The following THSD7B variants were observed in gnomAD, a reference collection of about 807,000 sequenced individuals.
THSD7B encodes the protein thrombospondin type 1 domain containing 7B, also known as thrombospondin type-1 domain-containing protein 7B.
THSD7B carries 138 observed loss-of-function variants against 213.6 expected under a neutral mutation model. The ratio of observed to expected loss-of-function variants is 0.65; its 90% CI spans 0.56 to 0.74. The LOEUF is 0.74. Ranked by LOEUF, THSD7B falls within the 30% of genes least tolerant of loss-of-function variation. The pLI, the probability that THSD7B is intolerant of heterozygous loss-of-function variation, is 0.00. For synonymous variants in THSD7B, 742 were observed against 687.0 expected (o/e 1.08, Z -1.25); for missense variants, 1,931 against 1,991.5 (o/e 0.97, Z 0.58).
At chr2:137,578,076 T>G (rs997154867) in intron 17 of THSD7B, among the ~76,000 whole-genome samples, 1 of 152,198 alleles carries the variant, frequency 6.6e-6, no homozygotes, top group African/African-American at 2.4e-5. Context: ...CATGGGACTC[T>G]GGTGATTGAG....
At chr2:137,195,095 G>A (rs1007234990) in intron 7 of THSD7B, among the ~76,000 whole-genome samples, 14 of 151,956 alleles carry the variant, frequency 9.2e-5, no homozygotes, top group African/African-American at 3.4e-4. Context: ...TGAATAATAA[G>A]GGACCCTGTT....
intron 7 of THSD7B, among the ~76,000 whole-genome samples, chr2:137,228,010 T>C (rs1681549049): frequency 6.6e-6 from 1 of 152,184 alleles, no homozygotes. Flanking sequence ...ATTTGATTCC[T>C]ACAAATGAAA....
chr2:137,097,769 GAC>G (rs3050089), intron 4 of THSD7B, among the ~76,000 whole-genome samples: 2,306 of 141,392 alleles, frequency 0.016, 29 homozygotes, highest in Middle Eastern at 0.082. Context: ...CGCTAAGTTT[GAC>G]ACACACACAC....
chr2:137,486,607 A>G (rs2105114447), intron 15 of THSD7B, among the ~76,000 whole-genome samples: 1 of 149,698 alleles, frequency 6.7e-6, no homozygotes, highest in South Asian at 2.1e-4. Context: ...TAACAAGGAT[A>G]CCCAGGAATT....
chr2:137,243,658 G>C (rs571269608), intron 10 of THSD7B, among the ~76,000 whole-genome samples: 2 of 152,304 alleles, frequency 1.3e-5, no homozygotes, highest in South Asian at 4.1e-4. Flanking sequence ...GCATCACTTC[G>C]TGAGAGTGAC....
chr2:137,460,074 G>T (rs1687854909), intron 15 of THSD7B, among the ~76,000 whole-genome samples: 1 of 152,102 alleles, frequency 6.6e-6, no homozygotes, highest in Non-Finnish European at 1.5e-5. Context: ...CTCCTTGTCT[G>T]CATGATACCA....
At chr2:137,441,339 G>C (rs1687405610) in intron 14 of THSD7B, among the ~76,000 whole-genome samples, 1 of 152,002 alleles carries the variant, frequency 6.6e-6, no homozygotes, top group Admixed American at 6.6e-5. Flanking sequence ...TGGTCTCACA[G>C]CACCCTAGCC....
chr2:137,557,610 C>T (rs1385218079), intron 15 of THSD7B, among the ~76,000 whole-genome samples: 2 of 151,940 alleles, frequency 1.3e-5, no homozygotes, highest in Non-Finnish European at 2.9e-5. Context: ...CAAGAGAAAG[C>T]AGGAAAGATC....
chr2:137,386,833 T>TC (rs1405325322), intron 12 of THSD7B, among the ~76,000 whole-genome samples: 1 of 152,208 alleles, frequency 6.6e-6, no homozygotes, highest in Non-Finnish European at 1.5e-5. Context: ...ATTTGAGACA[T>TC]CATTTAAGCT....
intron 17 of THSD7B, among the ~76,000 whole-genome samples, chr2:137,590,857 C>G (rs1573730191): frequency 8.8e-6 from 1 of 113,960 alleles, no homozygotes; most frequent in Non-Finnish European, 1.7e-5. Context: ...AGTAGTTTAT[C>G]TGTGGAACTG....
intron 1 of THSD7B, among the ~76,000 whole-genome samples, chr2:136,865,316 G>A (rs1318419428): frequency 1.3e-5 from 2 of 152,186 alleles, no homozygotes; most frequent in African/African-American, 4.8e-5. Context: ...TGGGAAAGAT[G>A]AGACATACTT....
intron 2 of THSD7B, among the ~76,000 whole-genome samples, chr2:136,909,588 T>G (rs1573704616): frequency 6.6e-6 from 1 of 152,174 alleles, no homozygotes; most frequent in South Asian, 2.1e-4. Flanking sequence ...CACAAATGAC[T>G]TTGGAAAATC....
At chr2:137,150,516 TCTC>T (rs1679795623) in intron 5 of THSD7B, among the ~76,000 whole-genome samples, 1 of 152,112 alleles carries the variant, frequency 6.6e-6, no homozygotes, top group African/African-American at 2.4e-5. Context: ...ACTCTGCACT[TCTC>T]CTTGTTGCTG....
chr2:136,910,969 A>T (rs1684248744), intron 2 of THSD7B, among the ~76,000 whole-genome samples: 1 of 152,106 alleles, frequency 6.6e-6, no homozygotes, highest in South Asian at 2.1e-4. Context: ...CAATTCACTA[A>T]GCCTTTATGT....
chr2:136,945,707 T>C (rs1208952302), intron 2 of THSD7B, among the ~76,000 whole-genome samples: 1 of 152,040 alleles, frequency 6.6e-6, no homozygotes, highest in African/African-American at 2.4e-5. Flanking sequence ...CTTCTTGCTT[T>C]ATTTCATTAA....
At chr2:137,543,713 C>T (rs1228534653) in intron 15 of THSD7B, among the ~76,000 whole-genome samples, 1 of 151,692 alleles carries the variant, frequency 6.6e-6, no homozygotes. Context: ...GCAAACCATA[C>T]ATCTGATAAG....
At chr2:137,622,776 C>T (rs1682544895) in intron 20 of THSD7B, among the ~76,000 whole-genome samples, 1 of 152,082 alleles carries the variant, frequency 6.6e-6, no homozygotes, top group Non-Finnish European at 1.5e-5. Flanking sequence ...AAAACTAAAA[C>T]AGGAAGAAGT....
In THSD7B at chr2:136,937,929, G is replaced by T. The variant is rs1309662287; in HGVS notation, c.139+55612G>T. ...TTATCAAGCATATAGCCTTAGGTAG[G>T]TTCATACCACATGAGTAGGGCTTGT... On this transcript the variant is annotated intron_variant, in intron 2 of 27. Coordinates refer to ENST00000409968, the MANE Select transcript of THSD7B (RefSeq NM_001316349.2). Among the ~76,000 whole-genome samples, 4 of 152,138 alleles carry T rather than the reference G, an allele frequency of 2.6e-5. No homozygotes were observed. The East Asian group carries it at 5.8e-4, about 22-fold the overall frequency.
At chr2:137,558,032 A>G (rs991297811) in intron 15 of THSD7B, among the ~76,000 whole-genome samples, 4 of 152,236 alleles carry the variant, frequency 2.6e-5, no homozygotes, top group Admixed American at 6.5e-5. Context: ...GAATTCCTCA[A>G]TAGACCAATA....
Sources: allele counts gnomAD v4.1 joint callset (sites outside exome capture counted in the v4.1 genomes callset), GRCh38; gene constraint gnomAD v4.1.1; transcripts MANE v1.5; gene names NCBI Gene and HGNC (gene_info 2026-07-23, HGNC 2026-07-21).